MLANA: variants seen among roughly 807,000 people sequenced by gnomAD.
MLANA encodes the protein melanoma antigen recognized by T-cells 1.
MLANA carries 21 observed loss-of-function variants against 15.7 expected under a neutral mutation model. The observed-to-expected ratio is 1.33, with a 90% CI of 0.95 to 1.92. The LOEUF is 1.92. Ranked by LOEUF, MLANA falls within the 40% of genes most tolerant of loss-of-function variation. MLANA has a pLI of 0.00. For missense variants in MLANA, 164 were observed against 143.8 expected (o/e 1.14, Z -0.72); for synonymous variants, 56 against 51.5 (o/e 1.09, Z -0.37).
intron 2 of MLANA, among the ~76,000 whole-genome samples, chr9:5,893,741 G>A (rs1327319758): frequency 2.6e-5 from 4 of 152,058 alleles, no homozygotes; most frequent in Admixed American, 6.5e-5. Flanking sequence ...AGGCCTGTTC[G>A]TTTTCTTCTT....
intron 3 of MLANA, 85 bp downstream of exon 3, chr9:5,897,738 T>A (rs754596273): frequency 3.4e-6 from 4 of 1,159,866 alleles, no homozygotes; most frequent in Admixed American, 3.4e-5. Context: ...GAGAGTCAGA[T>A]AATTGCCTCA....
chr9:5,902,672 T>C (rs1832518641), intron 3 of MLANA, among the ~76,000 whole-genome samples: 1 of 151,700 alleles, frequency 6.6e-6, no homozygotes, highest in Admixed American at 6.6e-5. Flanking sequence ...AATTTTCTTT[T>C]TTTTTTTTTT....
chr9:5,908,026 T>A (rs187527696), intron 4 of MLANA, among the ~76,000 whole-genome samples: 6 of 152,296 alleles, frequency 3.9e-5, no homozygotes, highest in Non-Finnish European at 1.5e-5. Flanking sequence ...CTAGTACATA[T>A]ACAACACAGC....
At chr9:5,907,513 T>C (rs1832893953) in intron 4 of MLANA, among the ~76,000 whole-genome samples, 1 of 152,238 alleles carries the variant, frequency 6.6e-6, no homozygotes, top group Admixed American at 6.5e-5. Flanking sequence ...AAAATATTAG[T>C]ATGTAGAAAA....
chr9:5,908,888 T>G lies in MLANA; in HGVS notation c.*180T>G. On this transcript the variant is annotated 3_prime_UTR_variant, in exon 5 of 5. Transcript: ENST00000381477. ...TAGCAGTACTAATCATGTGAGGAAA[T>G]GATGAGAAATATTAAATTGGGAAAA... The G allele has an allele frequency of 1.7e-6, 1 of 575,734 alleles. No individual in the cohort carries two copies. Among genetic ancestry groups the G allele is most frequent in the Non-Finnish European group, 3.1e-6 (1 of 325,382 alleles). 35.7% of individuals were successfully genotyped at this position (575,734 alleles called of 1,614,324 possible). A position where few individuals can be genotyped will look rare whatever the true frequency, so the allele number is the denominator to read the frequency against.
In MLANA at chr9:5,909,378, C is replaced by A. The variant is rs939754392; in HGVS notation, c.*670C>A. The A allele has an allele frequency of 6.6e-6, 1 of 152,404 alleles. No homozygotes were observed. The highest frequency in any genetic ancestry group is 1.5e-5 in the Non-Finnish European group (1 of 68,244). 9.4% of individuals were successfully genotyped at this position (152,404 alleles called of 1,614,324 possible). A position where few individuals can be genotyped will look rare whatever the true frequency, so the allele number is the denominator to read the frequency against. On this transcript the variant is annotated 3_prime_UTR_variant, in exon 5 of 5. Transcript: ENST00000381477. ...GGTTCAAGCAATTCTCCTGCCTTAGCCTCCTGAGTAGCTGGGATTACAGGC... is the reference window on the plus strand; with the variant it reads ...GGTTCAAGCAATTCTCCTGCCTTAGACTCCTGAGTAGCTGGGATTACAGGC...
In MLANA at chr9:5,894,243, C is replaced by G. The variant is rs1563809617; in HGVS notation, c.77+1692C>G. On this transcript the variant is annotated intron_variant, in intron 2 of 4. Transcript: ENST00000381477. The surrounding 1 kb of genome is among the most constrained non-coding windows in gnomAD (Gnocchi z 4.0). ...ATGCCCAGCTGGGGAACCTCATAGCCAGGTGTACCCACAACCTGAACAAGG... is the reference window on the plus strand; with the variant it reads ...ATGCCCAGCTGGGGAACCTCATAGCGAGGTGTACCCACAACCTGAACAAGG... 2.6e-5 allele frequency among the ~76,000 whole-genome samples: 4 copies of G among 152,114 alleles called. No individual in the cohort carries two copies. Among genetic ancestry groups the G allele is most frequent in the African/African-American group, 7.2e-5 (3 of 41,426 alleles).
intron 3 of MLANA, among the ~76,000 whole-genome samples, chr9:5,899,748 A>G (rs1832293945): frequency 6.6e-6 from 1 of 152,178 alleles, no homozygotes; most frequent in African/African-American, 2.4e-5. Context: ...GCTTTCCCCT[A>G]TGTATGAACC....
In MLANA at chr9:5,906,922, C is replaced by T. The variant is rs781035294; in HGVS notation, c.212C>T (p.Thr71Ile). 2.5e-6 allele frequency: 4 copies of T among 1,596,224 alleles called. No homozygotes were observed. The highest frequency in any genetic ancestry group is 3.5e-5 in the Admixed American group (2 of 56,654). ...SLHVGTQCALTRRCPQEGFDH... is the reference protein window; with the variant it reads ...SLHVGTQCALIRRCPQEGFDH... The stretch of plus-strand genomic sequence containing the variant: ...CATGTTGGCACTCAATGTGCCTTAA[C>T]AAGAAGATGCCCACAAGAAGGGTTT... Residue 71 changes from threonine (T) to isoleucine (I), a missense_variant, in exon 4 of 5, where the codon ACA (threonine) becomes ATA (isoleucine). Physicochemically the swap from Thr to Ile is moderately conservative, Grantham distance 89. Transcript: ENST00000381477.
At chr9:5,899,075 T>TAGCACTTC (rs1345540150) in intron 3 of MLANA, 3 of 152,222 alleles carry the variant, frequency 2.0e-5, no homozygotes, top group Non-Finnish European at 2.9e-5. Flanking sequence ...TAAAGCCAGG[T>TAGCACTTC]AGCACTTCAG....
chr9:5,909,664 T>C lies in MLANA; in HGVS notation c.*956T>C, dbSNP rs1833044606. 6.6e-6 allele frequency: 1 copy of C among 152,230 alleles called. No individual in the cohort carries two copies. The highest frequency in any genetic ancestry group is 1.5e-5 in the Non-Finnish European group (1 of 68,046). The allele number at this position is 152,230 out of a possible 1,614,324, so 9.4% of individuals were successfully genotyped here. A position where few individuals can be genotyped will look rare whatever the true frequency, so the allele number is the denominator to read the frequency against. ...AAGTATTTTCTACTAAACCAGAAAT[T>C]GGTAGAAGGATTTAAATAAGTAAAA... On this transcript the variant is annotated 3_prime_UTR_variant, in exon 5 of 5. Coordinates refer to ENST00000381477, the MANE Select transcript of MLANA (RefSeq NM_005511.2).
At chr9:5,904,988 T>C (rs528775582) in intron 3 of MLANA, among the ~76,000 whole-genome samples, 2 of 152,128 alleles carry the variant, frequency 1.3e-5, no homozygotes, top group East Asian at 3.9e-4. Flanking sequence ...TTAGCCAGGA[T>C]GGTCTCAATC....
At chr9:5,901,251 G>A (rs1832403679) in intron 3 of MLANA, among the ~76,000 whole-genome samples, 1 of 152,012 alleles carries the variant, frequency 6.6e-6, no homozygotes. Context: ...GCAACTTCCA[G>A]TATGATGCTG....
intron 2 of MLANA, 28 bp downstream of exon 2, chr9:5,892,579 C>T (rs1225878419): frequency 1.2e-6 from 2 of 1,601,766 alleles, no homozygotes; most frequent in Non-Finnish European, 1.7e-6. Context: ...CCCAGCAGGG[C>T]TTCCAGTTTG....
chr9:5,895,057 A>G (rs1458173093), intron 2 of MLANA, among the ~76,000 whole-genome samples: 1 of 152,188 alleles, frequency 6.6e-6, no homozygotes, highest in Admixed American at 6.5e-5. Flanking sequence ...TTCCAGCACA[A>G]AAGAAAAATA....
intron 4 of MLANA, among the ~76,000 whole-genome samples, chr9:5,908,404 G>A (rs183040121): frequency 2.6e-4 from 40 of 152,254 alleles, no homozygotes; most frequent in African/African-American, 9.6e-4. Flanking sequence ...GTATAGCTAA[G>A]CTTTTGAGAT....
intron 2 of MLANA, among the ~76,000 whole-genome samples, chr9:5,893,813 TCCA>T (rs1031188231): frequency 1.3e-5 from 2 of 152,078 alleles, no homozygotes; most frequent in African/African-American, 4.8e-5. Context: ...TGCCATCACC[TCCA>T]CATCTTGCCA....
In MLANA at chr9:5,902,554, T is replaced by C. The variant is rs1294000822; in HGVS notation, c.175-4331T>C. Reference sequence around the variant, plus strand: ...ATCATAGCTCACTGTTACCTTGAACTCCTGGGCTCAAGCACTCCAATCCTC... The same window carrying C: ...ATCATAGCTCACTGTTACCTTGAACCCCTGGGCTCAAGCACTCCAATCCTC... On this transcript the variant is annotated intron_variant, in intron 3 of 4. Coordinates refer to ENST00000381477, the MANE Select transcript of MLANA (RefSeq NM_005511.2). 2.6e-5 allele frequency among the ~76,000 whole-genome samples: 4 copies of C among 152,034 alleles called. No individual in the cohort carries two copies. The East Asian group carries it at 7.7e-4, about 29-fold the overall frequency.
chr9:5,901,088 G>A (rs957705279), intron 3 of MLANA, among the ~76,000 whole-genome samples: 3 of 151,862 alleles, frequency 2.0e-5, no homozygotes, highest in Admixed American at 1.3e-4. Context: ...GCAGTGAACC[G>A]GTAGAGTGGA....
Sources: gnomAD v4.1 joint callset for allele counts (sites outside exome capture counted in the v4.1 genomes callset) on GRCh38, gnomAD v4.1.1 for gene constraint, Gnocchi (gnomAD v3.1) non-coding constraint, MANE v1.5 for transcripts, NCBI Gene and HGNC (gene_info 2026-07-23, HGNC 2026-07-21) for gene names.